Variants in PRDM16 observed in about 807,000 individuals in gnomAD.
PRDM16 encodes histone-lysine N-methyltransferase PRDM16.
PRDM16 carries 23 observed loss-of-function variants against 110.6 expected under a neutral mutation model. The ratio of observed to expected loss-of-function variants is 0.21; its 90% CI spans 0.15 to 0.29. The LOEUF (loss-of-function observed/expected upper bound fraction) is 0.29. Among genes scored for constraint, PRDM16 ranks in the 10% least tolerant of loss-of-function variants. The pLI, the probability that PRDM16 is intolerant of heterozygous loss-of-function variation, is 1.00. For missense variants in PRDM16, 1,615 were observed against 1,794.3 expected (o/e 0.90, Z 1.81); for synonymous variants, 799 against 781.8 (o/e 1.02, Z -0.37).
intron 1 of PRDM16, among the ~76,000 whole-genome samples, chr1:3,161,842 T>C (rs1427359897): frequency 6.6e-6 from 1 of 152,174 alleles, no homozygotes; most frequent in Admixed American, 6.5e-5. Context: ...TCCATGAGGA[T>C]TTGGACCACG....
chr1:3,295,408 T>C (rs1641065062), intron 3 of PRDM16, among the ~76,000 whole-genome samples: 1 of 152,126 alleles, frequency 6.6e-6, no homozygotes, highest in Non-Finnish European at 1.5e-5. Flanking sequence ...ACTTCCATGA[T>C]GGGCTCACGG....
At chr1:3,396,250 G>A in intron 4 of PRDM16, 1 of 567,802 alleles carries the variant, frequency 1.8e-6, no homozygotes, top group South Asian at 1.5e-5. Flanking sequence ...GATCCTACCT[G>A]TTTAGTCGGC....
At chr1:3,411,099 C>G (rs1251166845) in intron 8 of PRDM16, among the ~76,000 whole-genome samples, 44 of 152,176 alleles carry the variant, frequency 2.9e-4, no homozygotes, top group Non-Finnish European at 2.9e-5. Context: ...TGTGCACACT[C>G]AGACACGCAC....
chr1:3,216,819 A>T (rs1569862116), intron 2 of PRDM16, among the ~76,000 whole-genome samples: 1 of 152,168 alleles, frequency 6.6e-6, no homozygotes, highest in African/African-American at 2.4e-5. Flanking sequence ...ACTGGAGGGG[A>T]CAGGTTCCTG....
At chr1:3,091,800 A>G (rs1642282317) in intron 1 of PRDM16, among the ~76,000 whole-genome samples, 1 of 152,144 alleles carries the variant, frequency 6.6e-6, no homozygotes, top group East Asian at 1.9e-4. Context: ...ACTCAGGCTG[A>G]TGGAGGGGCC....
intron 1 of PRDM16, among the ~76,000 whole-genome samples, chr1:3,079,946 A>C (rs1396954319): frequency 6.6e-6 from 1 of 152,192 alleles, no homozygotes; most frequent in African/African-American, 2.4e-5. Context: ...CTCGGTCCTT[A>C]GCCCTCCGTG....
chr1:3,118,196 TAC>T (rs1353695956), intron 1 of PRDM16, among the ~76,000 whole-genome samples: 3 of 150,738 alleles, frequency 2.0e-5, no homozygotes, highest in Non-Finnish European at 4.4e-5. Flanking sequence ...TGCATGCATG[TAC>T]ACACGCACAC....
Position 3,411,718 on chromosome 1 carries a change from C to T in PRDM16, c.1521C>T (p.Phe507=), listed in dbSNP as rs981777423. The T allele has an allele frequency of 6.2e-7, 1 of 1,611,328 alleles. No individual in the cohort carries two copies. Among genetic ancestry groups the T allele is most frequent in the South Asian group, 1.1e-5 (1 of 90,620 alleles). The change falls in exon 9 of 17, where the codon TTC becomes TTT. Residue 507 remains phenylalanine (F), a synonymous_variant. Coordinates refer to ENST00000270722, the MANE Select transcript of PRDM16 (RefSeq NM_022114.4). ...CCTTCTCCACGGCGCCTCCCACGTTCCCCGCACTCACCCCCGGCTTCCCGG... is the reference window on the plus strand; with the variant it reads ...CCTTCTCCACGGCGCCTCCCACGTTTCCCGCACTCACCCCCGGCTTCCCGG... The part of the protein sequence containing the change: ...SLPFSTAPPT[F]PALTPGFPGI...
At chr1:3,130,445 G>A (rs533312467) in intron 1 of PRDM16, among the ~76,000 whole-genome samples, 2 of 152,332 alleles carry the variant, frequency 1.3e-5, no homozygotes, top group South Asian at 2.1e-4. Flanking sequence ...CCTTCCTGCG[G>A]CCATGGGGCT....
intron 3 of PRDM16, among the ~76,000 whole-genome samples, chr1:3,313,359 G>A (rs1641512553): frequency 6.6e-6 from 1 of 152,176 alleles, no homozygotes; most frequent in Non-Finnish European, 1.5e-5. Context: ...CCGGAGGGCG[G>A]CACTTACCAG....
intron 1 of PRDM16, among the ~76,000 whole-genome samples, chr1:3,177,044 T>C (rs80190252): frequency 0.053 from 7,977 of 149,870 alleles, 228 homozygotes; most frequent in Admixed American, 0.073. Context: ...CTCATCCATC[T>C]GTTAACTCAT....
chr1:3,409,959 T>TG (rs1366412745), intron 8 of PRDM16, among the ~76,000 whole-genome samples: 2 of 90,536 alleles, frequency 2.2e-5, no homozygotes, highest in Admixed American at 1.4e-4. Flanking sequence ...TGTGTGCGTG[T>TG]GGGGGGTGTG....
intron 2 of PRDM16, among the ~76,000 whole-genome samples, chr1:3,212,404 C>T (rs1291781150): frequency 1.3e-5 from 2 of 152,122 alleles, no homozygotes; most frequent in Non-Finnish European, 2.9e-5. Context: ...TGAGCGGGGG[C>T]ACCTTTGAAT....
chr1:3,302,664 G>C (rs575315516), intron 3 of PRDM16, among the ~76,000 whole-genome samples: 107 of 152,340 alleles, frequency 7.0e-4, no homozygotes, highest in African/African-American at 2.4e-3. Flanking sequence ...CAGCCTCTCT[G>C]TGCCTGGGAA....
chr1:3,183,460 C>T (rs1178656897), intron 1 of PRDM16, among the ~76,000 whole-genome samples: 1 of 152,180 alleles, frequency 6.6e-6, no homozygotes, highest in East Asian at 1.9e-4. Flanking sequence ...TTTCTGCACA[C>T]GAATTAGCCC....
rs1036185800 is a variant in PRDM16, at chr1:3,148,818, T to C, written c.38-37307T>C. 6.6e-6 allele frequency among the ~76,000 whole-genome samples: 1 copy of C among 152,238 alleles called. No individual in the cohort carries two copies. The highest frequency in any genetic ancestry group is 1.5e-5 in the Non-Finnish European group (1 of 68,040). On this transcript the variant is annotated intron_variant, in intron 1 of 16. Transcript: ENST00000270722. The surrounding 1 kb of genome is among the most constrained non-coding windows in gnomAD (Gnocchi z 5.0). ...TTTACTTAGCACATGTTGAAAGTCCTTCTAGAAAGCCAGGATGTTTGTTAA... is the reference window on the plus strand; with the variant it reads ...TTTACTTAGCACATGTTGAAAGTCCCTCTAGAAAGCCAGGATGTTTGTTAA...
intron 3 of PRDM16, among the ~76,000 whole-genome samples, chr1:3,249,105 C>A (rs1251802193): frequency 6.6e-6 from 1 of 152,188 alleles, no homozygotes; most frequent in Non-Finnish European, 1.5e-5. Context: ...GGCTTTTAGC[C>A]CAGCACAGCA....
chr1:3,304,337 C>T (rs550657359), intron 3 of PRDM16, among the ~76,000 whole-genome samples: 10 of 152,354 alleles, frequency 6.6e-5, no homozygotes, highest in African/African-American at 1.2e-4. Flanking sequence ...GTGTGAGCAA[C>T]GCTGCCTCTG....
intron 2 of PRDM16, among the ~76,000 whole-genome samples, chr1:3,217,891 T>C (rs537772285): frequency 6.6e-6 from 1 of 152,362 alleles, no homozygotes; most frequent in South Asian, 2.1e-4. Flanking sequence ...CACGAGGTTT[T>C]GGGGTGCCCC....
Sources: gnomAD v4.1 joint callset for allele counts (sites outside exome capture counted in the v4.1 genomes callset) on GRCh38, gnomAD v4.1.1 for gene constraint, Gnocchi (gnomAD v3.1) non-coding constraint, MANE v1.5 for transcripts, NCBI Gene and HGNC (gene_info 2026-07-23, HGNC 2026-07-21) for gene names.